ATR: variants seen among roughly 807,000 people sequenced by gnomAD.
ATR encodes the protein serine/threonine-protein kinase ATR.
Under a neutral mutation model 305.3 loss-of-function variants are expected in ATR, and 142 were observed. The ratio of observed to expected loss-of-function variants is 0.47; its 90% CI spans 0.41 to 0.53. The LOEUF (loss-of-function observed/expected upper bound fraction) is 0.53. Ranked by LOEUF, ATR falls within the 20% of genes least tolerant of loss-of-function variation. ATR has a pLI of 0.00. For missense variants in ATR, 2,135 were observed against 3,133.1 expected (o/e 0.68, Z 7.60); for synonymous variants, 1,050 against 1,068.1 (o/e 0.98, Z 0.33).
chr3:142,473,513 T>C (rs1292735288), intron 36 of ATR, among the ~76,000 whole-genome samples: 1 of 152,156 alleles, frequency 6.6e-6, no homozygotes, highest in Non-Finnish European at 1.5e-5. Flanking sequence ...GGTATAATTT[T>C]GAAGTCAGGT....
chr3:142,451,898 C>T, intron 46 of ATR: 1 of 1,305,796 alleles, frequency 7.7e-7, no homozygotes, highest in Non-Finnish European at 1.0e-6. Context: ...AAGAACTGGT[C>T]AGATATTGGA....
At chr3:142,574,187 G>A (rs147191620) in intron 1 of ATR, among the ~76,000 whole-genome samples, 1,668 of 152,088 alleles carry the variant, frequency 0.011, 23 homozygotes, top group African/African-American at 0.036. Context: ...AAACTTGGCC[G>A]GGCGTGGTGG....
rs546706749 is a variant in ATR at position 142,478,954 on chromosome 3, C to T, written c.6221+6186G>A. Among the ~76,000 whole-genome samples, 818 of 152,260 alleles carry T rather than the reference C, an allele frequency of 5.4e-3. 10 individuals are homozygous for T. The highest frequency in any genetic ancestry group is 0.019 in the African/African-American group (787 of 41,532). On this transcript the variant is annotated intron_variant, in intron 36 of 46. Coordinates refer to ENST00000350721, the MANE Select transcript of ATR (RefSeq NM_001184.4). ...TTCCATTTGCTTGGTAGATCTTCCT[C>T]CATCCTTTTATTTTGAGCCTATGTG...
intron 36 of ATR, among the ~76,000 whole-genome samples, chr3:142,473,120 T>C (rs369277671): frequency 3.9e-5 from 6 of 152,338 alleles, no homozygotes; most frequent in African/African-American, 1.2e-4. Context: ...CATTTGTCTA[T>C]ATTTGCTTTT....
At position 142,462,044 on chromosome 3, in the gene ATR, C is replaced by T. The variant is rs142918229; in HGVS notation, c.7088G>A (p.Arg2363Gln). ...AESRRRELHI[R>Q]TYAVIPLNDE... ...ATTTAGTGGAATAACTGCATATGTT[C>T]GAATATGAAGTTCTCTTCTACGAGA... is the stretch of plus-strand genomic sequence containing the variant. The change falls in exon 42 of 47, where the codon CGA (arginine) becomes CAA (glutamine). Residue 2363 changes from arginine to glutamine, a missense_variant. This residue lies in a region of ATR where 462 missense variants were observed against 887.6 expected (regional missense o/e 0.52). Coordinates refer to ENST00000350721, the MANE Select transcript of ATR (RefSeq NM_001184.4). The T allele has an allele frequency of 5.6e-6, 9 of 1,612,558 alleles. No homozygotes were observed. The highest frequency in any genetic ancestry group is 1.3e-5 in the African/African-American group (1 of 74,832).
intron 45 of ATR, among the ~76,000 whole-genome samples, chr3:142,455,243 A>T (rs1338419152): frequency 6.6e-6 from 1 of 152,226 alleles, no homozygotes; most frequent in African/African-American, 2.4e-5. Context: ...AAAAACCACA[A>T]AACATTGATG....
intron 15 of ATR, among the ~76,000 whole-genome samples, 165 bp downstream of exon 15, chr3:142,549,314 T>C (rs1366958814): frequency 6.6e-6 from 1 of 152,180 alleles, no homozygotes; most frequent in Admixed American, 6.5e-5. Flanking sequence ...AGAATTCTAT[T>C]TAATATGCTC....
intron 18 of ATR, among the ~76,000 whole-genome samples, chr3:142,540,409 T>C (rs1056238040): frequency 6.6e-6 from 1 of 152,144 alleles, no homozygotes; most frequent in Non-Finnish European, 1.5e-5. Context: ...ATATACAATG[T>C]CTTTGGGAAA....
intron 34 of ATR, 80 bp downstream of exon 34, chr3:142,496,281 T>C (rs1286898100): frequency 1.4e-5 from 1 of 72,004 alleles, no homozygotes; most frequent in Non-Finnish European, 2.7e-5. Context: ...TTCCCGACTA[T>C]ATATATATAT....
intron 41 of ATR, 105 bp from the exon 42 acceptor site, chr3:142,462,195 C>T (rs949277452): frequency 5.2e-6 from 6 of 1,160,600 alleles, no homozygotes; most frequent in Non-Finnish European, 7.4e-6. Flanking sequence ...CAAAGAATGT[C>T]ATTGAAGGCT....
chr3:142,551,553 G>C (rs1189517138), intron 13 of ATR, among the ~76,000 whole-genome samples: 1 of 152,146 alleles, frequency 6.6e-6, no homozygotes, highest in Non-Finnish European at 1.5e-5. Context: ...TAACAAACCT[G>C]ACAAAAACAA....
intron 21 of ATR, among the ~76,000 whole-genome samples, chr3:142,533,488 T>A (rs1015389606): frequency 6.6e-6 from 1 of 152,186 alleles, no homozygotes; most frequent in Non-Finnish European, 1.5e-5. Context: ...TTAATTCAAT[T>A]GTATTCAACT....
intron 36 of ATR, among the ~76,000 whole-genome samples, chr3:142,481,565 A>C (rs1464711277): frequency 6.6e-6 from 1 of 152,104 alleles, no homozygotes; most frequent in Non-Finnish European, 1.5e-5. Context: ...GACCTCCATG[A>C]CTTCTGGACT....
intron 34 of ATR, among the ~76,000 whole-genome samples, chr3:142,496,104 C>G (rs1181133075): frequency 6.6e-6 from 1 of 151,298 alleles, no homozygotes; most frequent in African/African-American, 2.4e-5. Context: ...ACTGAAAAAA[C>G]TCCACATTCA....
At chr3:142,558,516 C>A in intron 8 of ATR, 108 bp downstream of exon 8, 2 of 890,580 alleles carry the variant, frequency 2.2e-6, no homozygotes, top group Non-Finnish European at 2.9e-6. Context: ...AGTAAGACTC[C>A]GTCTCAAAAA....
rs2035135357 is a variant in ATR at position 142,568,161 on chromosome 3, T to C, written c.60-7A>G. Reference sequence around the variant, plus strand: ...ATATTCCTCTGGTGTGGCACTAAAATACAAATTAAAAGCTTTTAATCCTTA... The same window carrying C: ...ATATTCCTCTGGTGTGGCACTAAAACACAAATTAAAAGCTTTTAATCCTTA... On this transcript the variant is annotated splice_region_variant and splice_polypyrimidine_tract_variant and intron_variant, in intron 1 of 46. Coordinates refer to ENST00000350721, the MANE Select transcript of ATR (RefSeq NM_001184.4). 2.5e-6 allele frequency: 4 copies of C among 1,607,118 alleles called. No individual in the cohort carries two copies. The highest frequency in any genetic ancestry group is 3.4e-6 in the Non-Finnish European group (4 of 1,174,242).
At position 142,496,278 on chromosome 3, in the gene ATR, CTATATATATATATATATATATA is replaced by C. The variant is rs6148111; in HGVS notation, c.5898+61_5898+82del. ...TTTTAAGGAAGTACATAATTCCCGA[CTATATATATATATATATATATA>C]TATATATATATATATATATATATAT... On this transcript the variant is annotated intron_variant, in intron 34 of 46. Coordinates refer to ENST00000350721, the MANE Select transcript of ATR (RefSeq NM_001184.4). 9.6e-4 allele frequency: 111 copies of C among 115,158 alleles called. 2 individuals are homozygous for C. Among genetic ancestry groups the C allele is most frequent in the Middle Eastern group, 8.2e-3 (2 of 244 alleles). The allele number at this position is 115,158 out of a possible 1,614,324, so 7.1% of individuals were successfully genotyped here.
intron 35 of ATR, among the ~76,000 whole-genome samples, chr3:142,488,800 A>T (rs1043560709): frequency 6.6e-6 from 1 of 152,206 alleles, no homozygotes; most frequent in African/African-American, 2.4e-5. Context: ...TTAAATTCTA[A>T]TTGTCAATTA....
intron 40 of ATR, 42 bp downstream of exon 40, chr3:142,466,282 A>C: frequency 6.4e-7 from 1 of 1,564,970 alleles, no homozygotes. Flanking sequence ...AGTTTTTAAC[A>C]ACTAAATTTT....
Sources: gnomAD v4.1 joint callset for allele counts (sites outside exome capture counted in the v4.1 genomes callset) on GRCh38, gnomAD v4.1.1 for gene constraint, gnomAD v4.1.1 regional missense constraint, MANE v1.5 for transcripts, NCBI Gene and HGNC (gene_info 2026-07-23, HGNC 2026-07-21) for gene names.